NPEPPS: variants seen among roughly 807,000 people sequenced by gnomAD.
NPEPPS encodes the protein puromycin-sensitive aminopeptidase.
In NPEPPS, 14 loss-of-function variants were observed where a neutral mutation model predicts 115.5. The observed-to-expected ratio is 0.12, with a 90% CI of 0.08 to 0.19. NPEPPS has a LOEUF of 0.19. NPEPPS is among the 10% of genes least tolerant of loss of function. The probability of loss-of-function intolerance (pLI) is 1.00; values close to 1 mark genes in which losing one functional copy is unlikely to be tolerated. For synonymous variants in NPEPPS, 285 were observed against 390.6 expected (o/e 0.73, Z 3.19); for missense variants, 523 against 1,110.8 (o/e 0.47, Z 7.52).
chr17:47,528,898 A>C (rs1469396315), upstream of NPEPPS, among the ~76,000 whole-genome samples: 2 of 151,920 alleles, frequency 1.3e-5, no homozygotes, highest in Admixed American at 6.6e-5. Flanking sequence ...GGCCTCCCAA[A>C]GTGCTGGGAT....
chr17:47,545,521 A>G (rs1264959933), intron 1 of NPEPPS, among the ~76,000 whole-genome samples: 2 of 151,952 alleles, frequency 1.3e-5, no homozygotes, highest in African/African-American at 4.8e-5. Context: ...ATTGACTGTG[A>G]TATTAGTTCA....
intron 19 of NPEPPS, among the ~76,000 whole-genome samples, chr17:47,617,721 T>C (rs923279105): frequency 2.0e-5 from 3 of 152,188 alleles, no homozygotes; most frequent in African/African-American, 7.2e-5. Flanking sequence ...TAGCCAGATA[T>C]CAATGATGTA....
chr17:47,523,674 C>A (rs1453322231), intron 1 of NPEPPS, among the ~76,000 whole-genome samples: 1 of 152,094 alleles, frequency 6.6e-6, no homozygotes. Flanking sequence ...CTGCCTGCCT[C>A]GGCCTCCCAA....
At chr17:47,591,267 A>T (rs1016475053) in intron 10 of NPEPPS, among the ~76,000 whole-genome samples, 5 of 152,016 alleles carry the variant, frequency 3.3e-5, no homozygotes, top group Admixed American at 3.3e-4. Flanking sequence ...GCTACTCGGG[A>T]GGCTGAGGCA....
chr17:47,571,990 T>C (rs1911226349), intron 3 of NPEPPS, among the ~76,000 whole-genome samples: 1 of 152,100 alleles, frequency 6.6e-6, no homozygotes, highest in Non-Finnish European at 1.5e-5. Flanking sequence ...TCACCAACTC[T>C]ACTGGCTCCA....
Position 47,592,422 on chromosome 17 carries a change from T to C in NPEPPS, c.1366-63T>C, listed in dbSNP as rs7212153. 7,085 of 1,508,832 alleles carry C rather than the reference T, an allele frequency of 4.7e-3. 27 individuals are homozygous for C. Among genetic ancestry groups the C allele is most frequent in the Non-Finnish European group, 5.7e-3 (6,299 of 1,113,070 alleles). 93.5% of individuals were successfully genotyped at this position (1,508,832 alleles called of 1,614,324 possible). On this transcript the variant is annotated intron_variant, in intron 11 of 22. Transcript: ENST00000322157. ...GTAAATTTGTTTTTGATTACTGATA[T>C]ACAAATATACTATAAATTCTGAGAT... is the stretch of plus-strand genomic sequence containing the variant.
upstream of NPEPPS, among the ~76,000 whole-genome samples, chr17:47,530,705 C>G (rs1390349945): frequency 1.3e-5 from 2 of 152,192 alleles, no homozygotes; most frequent in African/African-American, 4.8e-5. Flanking sequence ...GAATTTGCTA[C>G]TTAACAGGAA....
At chr17:47,600,832 G>A (rs753119935) in intron 14 of NPEPPS, among the ~76,000 whole-genome samples, 2 of 152,144 alleles carry the variant, frequency 1.3e-5, no homozygotes, top group Non-Finnish European at 2.9e-5. Context: ...ACAGCTTCCA[G>A]GTTGTATCCT....
chr17:47,610,425 C>A (rs1323931437), intron 17 of NPEPPS, among the ~76,000 whole-genome samples: 3 of 151,714 alleles, frequency 2.0e-5, no homozygotes, highest in Non-Finnish European at 4.4e-5. Flanking sequence ...CACACTGTTG[C>A]CAGGTTGGAG....
intron 8 of NPEPPS, 100 bp downstream of exon 8, chr17:47,586,498 T>A (rs1858702911): frequency 1.2e-6 from 1 of 842,028 alleles, no homozygotes; most frequent in African/African-American, 1.7e-5. Flanking sequence ...CTTTACGATA[T>A]GGTGTAAATT....
At chr17:47,575,540 A>G (rs532797009) in intron 3 of NPEPPS, among the ~76,000 whole-genome samples, 1 of 150,030 alleles carries the variant, frequency 6.7e-6, no homozygotes, top group Non-Finnish European at 1.5e-5. Context: ...TGATATAAAT[A>G]TTAGAACAGA....
rs1914647895 is a variant in NPEPPS at position 47,622,562 on chromosome 17, A to G, written c.*642A>G. 4.1e-6 allele frequency: 1 copy of G among 245,934 alleles called. No individual in the cohort carries two copies. Among genetic ancestry groups the G allele is most frequent in the Non-Finnish European group, 7.9e-6 (1 of 126,644 alleles). 15.2% of individuals were successfully genotyped at this position (245,934 alleles called of 1,614,324 possible). On this transcript the variant is annotated 3_prime_UTR_variant, in exon 23 of 23. Transcript: ENST00000322157. The stretch of plus-strand genomic sequence containing the variant: ...GACCCCTTGGCCAAAAAAAAACAAA[A>G]AGCAAAAAACAAAAACCTACCCTGT...
intron 2 of NPEPPS, 30 bp downstream of exon 2, chr17:47,546,023 G>C: frequency 6.5e-7 from 1 of 1,529,730 alleles, no homozygotes; most frequent in Non-Finnish European, 8.8e-7. Flanking sequence ...TTAATTTGCT[G>C]TCTGCATGTG....
intron 9 of NPEPPS, 33 bp from the exon 10 acceptor site, chr17:47,590,684 T>C (rs2644325): frequency 6.3e-7 from 1 of 1,596,864 alleles, no homozygotes. Context: ...AATCATTTCA[T>C]TTTCTTTAAG....
At chr17:47,602,523 A>T (rs1567866782) in intron 15 of NPEPPS, among the ~76,000 whole-genome samples, 1 of 151,750 alleles carries the variant, frequency 6.6e-6, no homozygotes, top group Non-Finnish European at 1.5e-5. Flanking sequence ...CTGTAATCCC[A>T]GCTACTCAGT....
intron 1 of NPEPPS, among the ~76,000 whole-genome samples, chr17:47,540,308 C>G (rs1286844614): frequency 2.6e-5 from 4 of 151,944 alleles, no homozygotes; most frequent in Non-Finnish European, 5.9e-5. Flanking sequence ...TATCAGTGCA[C>G]TTTTATATGC....
chr17:47,619,923 T>C lies in NPEPPS; in HGVS notation c.2607+139T>C, dbSNP rs1914439271. The stretch of plus-strand genomic sequence containing the variant: ...GAGAAAGACATCATGCAGGGCTGTA[T>C]AGGCCATATTAAGAATTTCCTAAAA... On this transcript the variant is annotated intron_variant, in intron 22 of 22. Coordinates refer to ENST00000322157, the MANE Select transcript of NPEPPS (RefSeq NM_006310.4). 11 of 671,834 alleles carry C rather than the reference T, an allele frequency of 1.6e-5. No homozygotes were observed. The Admixed American group carries it at 2.9e-4, about 18-fold the overall frequency. 41.6% of individuals were successfully genotyped at this position (671,834 alleles called of 1,614,324 possible).
intron 13 of NPEPPS, among the ~76,000 whole-genome samples, chr17:47,598,270 C>T (rs909309315): frequency 6.6e-6 from 1 of 151,732 alleles, no homozygotes; most frequent in African/African-American, 2.4e-5. Context: ...CTCAGGAGTT[C>T]AAGACAAGCC....
chr17:47,528,157 T>C (rs1362819525), upstream of NPEPPS, among the ~76,000 whole-genome samples: 107 of 139,616 alleles, frequency 7.7e-4, no homozygotes, highest in Middle Eastern at 4.8e-3. Context: ...CAAAAATTAG[T>C]CGGGCATGGT....
Sources: allele counts gnomAD v4.1 joint callset (sites outside exome capture counted in the v4.1 genomes callset), GRCh38; gene constraint gnomAD v4.1.1; transcripts MANE v1.5; gene names NCBI Gene and HGNC (gene_info 2026-07-23, HGNC 2026-07-21).